Variants in SPTB observed in about 807,000 individuals in gnomAD.
SPTB encodes spectrin beta chain, erythrocytic.
In SPTB, 45 loss-of-function variants were observed where a neutral mutation model predicts 256.2. The observed-to-expected ratio is 0.18, with a 90% CI of 0.14 to 0.23. The LOEUF is 0.23. Ranked by LOEUF, SPTB falls within the 10% of genes least tolerant of loss-of-function variation. SPTB has a pLI of 1.00. For missense variants in SPTB, 2,715 were observed against 3,040.4 expected (o/e 0.89, Z 2.52); for synonymous variants, 1,231 against 1,243.1 (o/e 0.99, Z 0.21).
intron 1 of SPTB, among the ~76,000 whole-genome samples, chr14:64,864,638 T>A (rs1240319269): frequency 6.6e-6 from 1 of 152,222 alleles, no homozygotes; most frequent in Admixed American, 6.5e-5. Flanking sequence ...TGTCTACATG[T>A]GCCTGGAAAA....
chr14:64,781,756 A>G (rs1014816958), intron 20 of SPTB, among the ~76,000 whole-genome samples: 3 of 152,248 alleles, frequency 2.0e-5, no homozygotes, highest in African/African-American at 7.2e-5. Context: ...ATAAATACAC[A>G]TGTACACTTA....
At position 64,848,583 on chromosome 14, in the gene SPTB, T is replaced by C. The variant is rs369284568; in HGVS notation, c.-51-25438A>G. Among the ~76,000 whole-genome samples the C allele has an allele frequency of 7.7e-4, 117 of 152,380 alleles. 3 individuals carry two copies. In the South Asian group the frequency reaches 0.019, roughly 25 times the overall value. ...TCAATATTGTTGATAAGTTAATTAT[T>C]GTGCATATTACATCGCTGAATTACA... is the stretch of plus-strand genomic sequence containing the variant. On this transcript the variant is annotated intron_variant, in intron 1 of 35. Coordinates refer to ENST00000644917, the MANE Select transcript of SPTB (RefSeq NM_001355436.2).
rs17180350 is a variant in SPTB, at chr14:64,782,348, C to T, written c.4208G>A (p.Arg1403Gln). 0.076 allele frequency: 122,245 copies of T among 1,614,140 alleles called. 5,126 individuals carry two copies. Among genetic ancestry groups the T allele is most frequent in the Non-Finnish European group, 0.087 (102,588 of 1,180,016 alleles). The stretch of plus-strand genomic sequence containing the variant: ...CAGGTCCTTGCCCGGGTCGTCTGAC[C>T]GCAGCTGGTCCTCCATGGCGCTGAT... ...KWISAMEDQL[R>Q]SDDPGKDLTS... Residue 1403 changes from arginine to glutamine, a missense_variant, in exon 20 of 36, where the codon CGG becomes CAG. Arg to Gln is a conservative substitution (Grantham distance 43, BLOSUM62 1). Around this residue, in one of 4 missense-constraint regions of SPTB, gnomAD observed 2,239 missense variants for 2,384.4 expected, o/e 0.94. Coordinates refer to ENST00000644917, the MANE Select transcript of SPTB (RefSeq NM_001355436.2).
At chr14:64,843,717 G>A (rs1333645037) in intron 1 of SPTB, among the ~76,000 whole-genome samples, 1 of 152,228 alleles carries the variant, frequency 6.6e-6, no homozygotes, top group African/African-American at 2.4e-5. Flanking sequence ...GGAGAGAAGA[G>A]TGGGTGTGAA....
Position 64,821,133 on chromosome 14 carries a change from A to G in SPTB, c.148+1814T>C, listed in dbSNP as rs780377902. Among the ~76,000 whole-genome samples the G allele has an allele frequency of 2.4e-4, 37 of 152,164 alleles. 1 individual carries two copies. The highest frequency in any genetic ancestry group is 1.2e-4 in the Non-Finnish European group (8 of 68,022). ...TCCCAGCTCAAAGGCTGCCTCCTCC[A>G]TGAACTGTTCCCCGATTTTCCTTGC... is the stretch of plus-strand genomic sequence containing the variant. On this transcript the variant is annotated intron_variant, in intron 2 of 35. Coordinates refer to ENST00000644917, the MANE Select transcript of SPTB (RefSeq NM_001355436.2).
chr14:64,821,017 A>C (rs1191883185), intron 2 of SPTB, among the ~76,000 whole-genome samples: 4 of 152,170 alleles, frequency 2.6e-5, no homozygotes, highest in African/African-American at 7.2e-5. Context: ...CAACTTCCCA[A>C]GCAGCTCATC....
chr14:64,856,234 G>A (rs2083870211), intron 1 of SPTB, among the ~76,000 whole-genome samples: 1 of 152,240 alleles, frequency 6.6e-6, no homozygotes, highest in Admixed American at 6.5e-5. Context: ...AGTTTTACAA[G>A]GCAGCTCACT....
At chr14:64,863,657 C>T (rs1881988667) in intron 1 of SPTB, among the ~76,000 whole-genome samples, 1 of 152,210 alleles carries the variant, frequency 6.6e-6, no homozygotes, top group Non-Finnish European at 1.5e-5. Context: ...ACTTGGTCCT[C>T]CATGTCATTG....
At position 64,792,938 on chromosome 14, in the gene SPTB, G is replaced by T; in HGVS notation, c.2666+59C>A. ...TCCAGAGACTATTACCAAACTAGGT[G>T]GGAGATGGTGCCCAGGCCTGGGTAC... On this transcript the variant is annotated intron_variant, in intron 14 of 35. Coordinates refer to ENST00000644917, the MANE Select transcript of SPTB (RefSeq NM_001355436.2). The surrounding 1 kb of genome is among the most constrained non-coding windows in gnomAD (Gnocchi z 4.2). The T allele has an allele frequency of 6.2e-7, 1 of 1,611,128 alleles. No homozygotes were observed. Among genetic ancestry groups the T allele is most frequent in the South Asian group, 1.1e-5 (1 of 90,810 alleles).
At position 64,829,470 on chromosome 14, in the gene SPTB, A is replaced by G. The variant is rs558687481; in HGVS notation, c.-51-6325T>C. ...CAGGGGTATCTGAATTACAGACTCA[A>G]TATTGATTGGTACCTAGGAATTAGT... is the stretch of plus-strand genomic sequence containing the variant. On this transcript the variant is annotated intron_variant, in intron 1 of 35. Coordinates refer to ENST00000644917, the MANE Select transcript of SPTB (RefSeq NM_001355436.2). Among the ~76,000 whole-genome samples, 17 of 152,338 alleles carry G rather than the reference A, an allele frequency of 1.1e-4. No homozygotes were observed. In the South Asian group the frequency reaches 3.5e-3, roughly 32 times the overall value.
intron 3 of SPTB, 65 bp from the exon 4 acceptor site, chr14:64,803,845 G>T: frequency 6.6e-7 from 1 of 1,525,602 alleles, no homozygotes; most frequent in Non-Finnish European, 8.9e-7. Flanking sequence ...AGGCTGCAGC[G>T]TGGACCAGCT....
chr14:64,786,074 G>A lies in SPTB; in HGVS notation c.3562-123C>T. On this transcript the variant is annotated intron_variant, in intron 16 of 35. Transcript: ENST00000644917. The surrounding 1 kb of genome is among the most constrained non-coding windows in gnomAD (Gnocchi z 5.6). ...CGGTATGAATGAGCCCCCTAGAGTA[G>A]TACAGGGAGGAGGCACTACTCCCCA... 2.0e-6 allele frequency: 2 copies of A among 1,011,504 alleles called. No individual in the cohort carries two copies. The highest frequency in any genetic ancestry group is 3.0e-6 in the Non-Finnish European group (2 of 657,740). 62.7% of individuals were successfully genotyped at this position (1,011,504 alleles called of 1,614,324 possible).
chr14:64,777,037 A>G lies in SPTB; in HGVS notation c.4564-1634T>C, dbSNP rs543553655. On this transcript the variant is annotated intron_variant, in intron 22 of 35. Transcript: ENST00000644917. The surrounding 1 kb of genome is among the most constrained non-coding windows in gnomAD (Gnocchi z 4.5). ...GCTACGAGGAAAAGACAACAGTGGG[A>G]TGGAGAATGTCTGCTGCGATGTGGC... Among the ~76,000 whole-genome samples, 78 of 152,328 alleles carry G rather than the reference A, an allele frequency of 5.1e-4. No homozygotes were observed. The highest frequency in any genetic ancestry group is 1.8e-3 in the African/African-American group (73 of 41,584).
intron 8 of SPTB, 53 bp from the exon 9 acceptor site, chr14:64,799,987 A>C: frequency 6.3e-7 from 1 of 1,599,572 alleles, no homozygotes; most frequent in South Asian, 1.1e-5. Flanking sequence ...GCCACCACTG[A>C]GGATATCAAT....
Position 64,793,902 on chromosome 14 carries a change from G to T in SPTB, c.1796-35C>A, listed in dbSNP as rs780281342. 6.3e-7 allele frequency: 1 copy of T among 1,576,792 alleles called. No individual in the cohort carries two copies. On this transcript the variant is annotated intron_variant, in intron 13 of 35. Coordinates refer to ENST00000644917, the MANE Select transcript of SPTB (RefSeq NM_001355436.2). The surrounding 1 kb of genome is among the most constrained non-coding windows in gnomAD (Gnocchi z 7.0). ...ATAGGGGGAAGGAGGACAAAGTGGG[G>T]GATGGGCTTCATTTATGGGCACGCT...
chr14:64,757,773 G>A (rs899519768), intron 32 of SPTB, among the ~76,000 whole-genome samples: 3 of 152,186 alleles, frequency 2.0e-5, no homozygotes, highest in Non-Finnish European at 4.4e-5. Context: ...CAACTCCCTG[G>A]AGGGGGACAA....
intron 2 of SPTB, among the ~76,000 whole-genome samples, chr14:64,821,106 A>T (rs560287458): frequency 1.3e-5 from 2 of 152,172 alleles, no homozygotes; most frequent in African/African-American, 4.8e-5. Flanking sequence ...ACACCCTTCA[A>T]TTCCCAGCTC....
In SPTB at chr14:64,807,535, A is replaced by T. The variant is rs1173987370; in HGVS notation, c.149-2445T>A. 6.6e-6 allele frequency among the ~76,000 whole-genome samples: 1 copy of T among 152,220 alleles called. No individual in the cohort carries two copies. Among genetic ancestry groups the T allele is most frequent in the African/African-American group, 2.4e-5 (1 of 41,454 alleles). On this transcript the variant is annotated intron_variant, in intron 2 of 35. Coordinates refer to ENST00000644917, the MANE Select transcript of SPTB (RefSeq NM_001355436.2). The surrounding 1 kb of genome is among the most constrained non-coding windows in gnomAD (Gnocchi z 4.7). ...GCCTTTTATTTGAAGGCTGGAGTGA[A>T]ATCACCCAGAATCCCCAGAGCCCCA...
intron 32 of SPTB, chr14:64,755,887 T>C (rs1231354530): frequency 6.6e-6 from 1 of 151,916 alleles, no homozygotes; most frequent in Non-Finnish European, 1.5e-5. Context: ...TAAATACCAA[T>C]ATACACCCTT....
Sources: allele counts gnomAD v4.1 joint callset (sites outside exome capture counted in the v4.1 genomes callset), GRCh38; gene constraint gnomAD v4.1.1; regional missense constraint gnomAD v4.1.1; non-coding constraint Gnocchi (gnomAD v3.1); transcripts MANE v1.5; gene names NCBI Gene and HGNC (gene_info 2026-07-23, HGNC 2026-07-21).